Variants in ADAMTS3 observed in about 807,000 individuals in gnomAD.
ADAMTS3 encodes the protein ADAM metallopeptidase with thrombospondin type 1 motif 3.
Under a neutral mutation model 129.0 loss-of-function variants are expected in ADAMTS3, and 73 were observed. That is an observed-to-expected ratio of 0.57 (90% confidence interval 0.47 to 0.69). The LOEUF (loss-of-function observed/expected upper bound fraction) is 0.69, where lower values mean the gene tolerates loss of function less well. Among genes scored for constraint, ADAMTS3 ranks in the 30% least tolerant of loss-of-function variants. The pLI is 0.00. For synonymous variants in ADAMTS3, 477 were observed against 510.8 expected, an observed-to-expected ratio of 0.93 and a Z score of 0.89; for missense variants, 1,457 against 1,514.5, an observed-to-expected ratio of 0.96 and a Z score of 0.63.
At chr4:72,292,420 G>T (rs1718697418) in intron 19 of ADAMTS3, among the ~76,000 whole-genome samples, 1 of 152,130 alleles carries the variant, frequency 6.6e-6, no homozygotes, top group Admixed American at 6.6e-5. Context: ...CTTCTTATTG[G>T]CCCTTACTGG....
intron 15 of ADAMTS3, among the ~76,000 whole-genome samples, chr4:72,306,917 A>G (rs1719102791): frequency 6.6e-6 from 1 of 151,976 alleles, no homozygotes; most frequent in South Asian, 2.1e-4. Flanking sequence ...ATTTAGAATT[A>G]AGATTATGAC....
At chr4:72,414,183 C>A (rs1722249062) in intron 4 of ADAMTS3, among the ~76,000 whole-genome samples, 1 of 151,280 alleles carries the variant, frequency 6.6e-6, no homozygotes, top group African/African-American at 2.4e-5. Flanking sequence ...ATTTTATATC[C>A]AATGTATAAG....
intron 3 of ADAMTS3, among the ~76,000 whole-genome samples, chr4:72,479,630 A>T (rs1022239105): frequency 6.6e-6 from 1 of 152,192 alleles, no homozygotes; most frequent in Non-Finnish European, 1.5e-5. Flanking sequence ...GGACATAGGC[A>T]TGGGCAAGGA....
At chr4:72,337,979 A>C (rs1343905003) in intron 5 of ADAMTS3, among the ~76,000 whole-genome samples, 1 of 152,136 alleles carries the variant, frequency 6.6e-6, no homozygotes, top group Non-Finnish European at 1.5e-5. Context: ...GCCCAGGGAC[A>C]TAATGAATGA....
chr4:72,486,291 A>G (rs1013311519), intron 3 of ADAMTS3, among the ~76,000 whole-genome samples: 11 of 152,308 alleles, frequency 7.2e-5, no homozygotes, highest in African/African-American at 2.4e-4. Context: ...ATGTACTCCA[A>G]CACCCAAAAT....
chr4:72,548,465 G>A lies in ADAMTS3; in HGVS notation c.504+13C>T. On this transcript the variant is annotated intron_variant, in intron 3 of 21. Coordinates refer to ENST00000286657, the MANE Select transcript of ADAMTS3 (RefSeq NM_014243.3). The stretch of plus-strand genomic sequence containing the variant: ...CACCTGCAAACATACGCACAAAACA[G>A]AAGGAGTCTTACCAGACCATCACAG... 3 of 1,610,444 alleles carry A rather than the reference G, an allele frequency of 1.9e-6. No homozygotes were observed. Among genetic ancestry groups the A allele is most frequent in the Non-Finnish European group, 2.5e-6 (3 of 1,177,564 alleles).
chr4:72,524,461 G>A (rs1322180636), intron 3 of ADAMTS3, among the ~76,000 whole-genome samples: 2 of 151,996 alleles, frequency 1.3e-5, no homozygotes, highest in Non-Finnish European at 2.9e-5. Context: ...TAATATCATT[G>A]AATCTTTTTA....
intron 4 of ADAMTS3, among the ~76,000 whole-genome samples, chr4:72,399,895 G>A (rs569288134): frequency 1.8e-5 from 1 of 54,922 alleles, no homozygotes; most frequent in Non-Finnish European, 3.3e-5. Context: ...GTGTATATAC[G>A]TGTGTATATA....
chr4:72,443,812 A>G (rs546448040), intron 3 of ADAMTS3, among the ~76,000 whole-genome samples: 1 of 151,738 alleles, frequency 6.6e-6, no homozygotes, highest in Admixed American at 6.6e-5. Flanking sequence ...GAAAAGAGTA[A>G]TACTGGTCAT....
intron 17 of ADAMTS3, 62 bp from the exon 18 acceptor site, chr4:72,298,504 T>C (rs1718866897): frequency 3.9e-6 from 5 of 1,295,960 alleles, no homozygotes; most frequent in Non-Finnish European, 5.3e-6. Context: ...GAGTGTAAAA[T>C]TACAAATATT....
intron 3 of ADAMTS3, among the ~76,000 whole-genome samples, chr4:72,468,906 A>G (rs555326672): frequency 6.6e-6 from 1 of 152,232 alleles, no homozygotes; most frequent in Admixed American, 6.5e-5. Context: ...ATTTTGTGGA[A>G]AAAGCAGTCT....
intron 3 of ADAMTS3, among the ~76,000 whole-genome samples, chr4:72,440,421 G>A (rs1718082017): frequency 6.6e-6 from 1 of 151,568 alleles, no homozygotes; most frequent in South Asian, 2.1e-4. Flanking sequence ...GTTGCATAGG[G>A]GAAAAAAATC....
intron 5 of ADAMTS3, among the ~76,000 whole-genome samples, chr4:72,331,604 T>A (rs1200882299): frequency 6.6e-6 from 1 of 152,140 alleles, no homozygotes; most frequent in Admixed American, 6.6e-5. Context: ...CTCTTTCCAG[T>A]CTCCTCATCT....
intron 9 of ADAMTS3, 37 bp from the exon 10 acceptor site, chr4:72,318,741 C>A: frequency 6.3e-7 from 1 of 1,588,416 alleles, no homozygotes. Flanking sequence ...GTTAAATGTT[C>A]ACTTAAAAAA....
chr4:72,354,100 A>G (rs2109847581), intron 4 of ADAMTS3, among the ~76,000 whole-genome samples: 1 of 152,168 alleles, frequency 6.6e-6, no homozygotes, highest in South Asian at 2.1e-4. Context: ...CTGGACAAAC[A>G]TTTATTGAGC....
At chr4:72,492,913 G>A (rs1312088993) in intron 3 of ADAMTS3, among the ~76,000 whole-genome samples, 1 of 151,636 alleles carries the variant, frequency 6.6e-6, no homozygotes, top group African/African-American at 2.4e-5. Context: ...GTGATATTTG[G>A]TGTGTTTATA....
At chr4:72,368,641 G>C (rs1424020280) in intron 4 of ADAMTS3, among the ~76,000 whole-genome samples, 3 of 152,186 alleles carry the variant, frequency 2.0e-5, no homozygotes, top group African/African-American at 7.2e-5. Context: ...GCTGATTAGA[G>C]TGGTCCTGAC....
intron 3 of ADAMTS3, among the ~76,000 whole-genome samples, chr4:72,497,990 T>C (rs1164335476): frequency 6.6e-6 from 1 of 152,040 alleles, no homozygotes; most frequent in Non-Finnish European, 1.5e-5. Flanking sequence ...AAAATGTCAA[T>C]ATCCACTGAA....
chr4:72,568,023 G>C (rs1176869287), intron 1 of ADAMTS3: 1 of 153,098 alleles, frequency 6.5e-6, no homozygotes, highest in African/African-American at 2.4e-5. Flanking sequence ...ACTCAACTTA[G>C]CTTTAAAAAG....
Sources: allele counts gnomAD v4.1 joint callset (sites outside exome capture counted in the v4.1 genomes callset), GRCh38; gene constraint gnomAD v4.1.1; transcripts MANE v1.5; gene names NCBI Gene and HGNC (gene_info 2026-07-23, HGNC 2026-07-21).